The following SMAD4 variants were observed in gnomAD, a reference collection of about 807,000 sequenced individuals.
SMAD4 encodes SMAD family member 4.
In SMAD4, 7 loss-of-function variants were observed where a neutral mutation model predicts 63.2. The observed-to-expected ratio is 0.11, with a 90% confidence interval of 0.06 to 0.21. The LOEUF (loss-of-function observed/expected upper bound fraction) is 0.21. Among genes scored for constraint, SMAD4 ranks in the 10% least tolerant of loss-of-function variants. SMAD4 has a pLI of 1.00. For synonymous variants in SMAD4, 215 were observed against 235.4 expected (o/e 0.91, Z 0.79); for missense variants, 312 against 693.8 (o/e 0.45, Z 6.18).
intron 1 of SMAD4, among the ~76,000 whole-genome samples, chr18:51,037,368 G>A (rs564128382): frequency 6.6e-6 from 1 of 152,284 alleles, no homozygotes; most frequent in South Asian, 2.1e-4. Context: ...AAACTGAGAC[G>A]TTATTTGCCC....
intron 1 of SMAD4, among the ~76,000 whole-genome samples, chr18:51,032,469 G>A (rs1283149273): frequency 2.0e-5 from 3 of 152,170 alleles, no homozygotes; most frequent in Non-Finnish European, 4.4e-5. Flanking sequence ...TAGCTTTGCT[G>A]TTTGAAGCAA....
chr18:51,042,156 C>T (rs1909403193), intron 1 of SMAD4, among the ~76,000 whole-genome samples: 1 of 152,130 alleles, frequency 6.6e-6, no homozygotes, highest in Admixed American at 6.5e-5. Flanking sequence ...TCTTGCATCC[C>T]ACAAGACTTT....
At position 51,059,341 on chromosome 18, in the gene SMAD4, CAA is replaced by C. The variant is rs199755235; in HGVS notation, c.905-524_905-523del. On this transcript the variant is annotated intron_variant, in intron 7 of 11. Transcript: ENST00000342988. ...CAAGTTATTTCACCTCATTAAGCCT[CAA>C]GAGTAATAATAGTAGTATCTACCTC... 5.2e-3 allele frequency among the ~76,000 whole-genome samples: 785 copies of C among 152,242 alleles called. 7 individuals are homozygous for C. Among genetic ancestry groups the C allele is most frequent in the African/African-American group, 0.017 (719 of 41,542 alleles).
chr18:51,044,106 T>C (rs1007208480), intron 1 of SMAD4, among the ~76,000 whole-genome samples: 2 of 152,344 alleles, frequency 1.3e-5, no homozygotes, highest in East Asian at 3.9e-4. Flanking sequence ...TAATCGTAAT[T>C]GTTAAATTGT....
chr18:51,055,139 G>T (rs980961159), intron 5 of SMAD4, 146 bp downstream of exon 5: 1 of 698,732 alleles, frequency 1.4e-6, no homozygotes, highest in Non-Finnish European at 2.6e-6. Context: ...TATTAAACAG[G>T]TATGCACAAT....
intron 10 of SMAD4, among the ~76,000 whole-genome samples, chr18:51,073,869 G>C (rs1469093515): frequency 1.3e-5 from 2 of 151,962 alleles, no homozygotes; most frequent in Non-Finnish European, 2.9e-5. Context: ...CAACATCAAA[G>C]GCATGATCCA....
intron 4 of SMAD4, 97 bp downstream of exon 4, chr18:51,049,421 A>G: frequency 1.2e-6 from 1 of 865,806 alleles, no homozygotes; most frequent in Non-Finnish European, 2.0e-6. Context: ...GGCAGGCAGT[A>G]ACATTAACAA....
chr18:51,039,657 C>G (rs1016121075), intron 1 of SMAD4, among the ~76,000 whole-genome samples: 5 of 152,080 alleles, frequency 3.3e-5, no homozygotes, highest in African/African-American at 1.2e-4. Flanking sequence ...CTTGGAAAAT[C>G]AGACTGCTGT....
At chr18:51,072,608 G>A (rs541786394) in intron 10 of SMAD4, among the ~76,000 whole-genome samples, 2 of 152,244 alleles carry the variant, frequency 1.3e-5, no homozygotes, top group South Asian at 4.1e-4. Context: ...TTTAAGCCTT[G>A]TCAAAGGAAA....
At chr18:51,069,197 A>T (rs1910250303) in intron 10 of SMAD4, among the ~76,000 whole-genome samples, 1 of 152,078 alleles carries the variant, frequency 6.6e-6, no homozygotes, top group South Asian at 2.1e-4. Context: ...GCTCACTGCA[A>T]CCTCTGCTTC....
chr18:51,066,943 A>G lies in SMAD4; in HGVS notation c.1140-76A>G. The G allele has an allele frequency of 2.7e-6, 3 of 1,092,684 alleles. No individual in the cohort carries two copies. In the East Asian group the frequency reaches 7.6e-5, roughly 28 times the overall value. The allele number at this position is 1,092,684 out of a possible 1,614,324, so 67.7% of individuals were successfully genotyped here. A position where few individuals can be genotyped will look rare whatever the true frequency, so the allele number is the denominator to read the frequency against. On this transcript the variant is annotated intron_variant, in intron 9 of 11. Transcript: ENST00000342988. ...TATTTTTAATTTTTCAATATTAAGCATGCTATACAATCTGAACTAAAATTT... is the reference window on the plus strand; with the variant it reads ...TATTTTTAATTTTTCAATATTAAGCGTGCTATACAATCTGAACTAAAATTT...
intron 10 of SMAD4, among the ~76,000 whole-genome samples, chr18:51,069,884 G>C (rs1173788673): frequency 6.6e-6 from 1 of 152,104 alleles, no homozygotes; most frequent in African/African-American, 2.4e-5. Flanking sequence ...CTTTGTTTAT[G>C]GTCTTGGTAT....
rs1054293517 is a variant in SMAD4 at position 51,079,656 on chromosome 18, T to A, written c.*1189T>A. On this transcript the variant is annotated 3_prime_UTR_variant, in exon 12 of 12. Coordinates refer to ENST00000342988, the MANE Select transcript of SMAD4 (RefSeq NM_005359.6). Reference sequence around the variant, plus strand: ...CTTTGCCATCAATGATCATATCAATTGGCAGTGACTTTGTATAGAGAATTT... The same window carrying A: ...CTTTGCCATCAATGATCATATCAATAGGCAGTGACTTTGTATAGAGAATTT... 3 of 233,386 alleles carry A rather than the reference T, an allele frequency of 1.3e-5. No individual in the cohort carries two copies. The highest frequency in any genetic ancestry group is 2.5e-5 in the Non-Finnish European group (3 of 117,960). 14.5% of individuals were successfully genotyped at this position (233,386 alleles called of 1,614,324 possible).
In SMAD4 at chr18:51,030,639, C is replaced by T. The variant is rs1210231775; in HGVS notation, c.-128+16C>T. On this transcript the variant is annotated intron_variant, in intron 1 of 11. Coordinates refer to ENST00000342988, the MANE Select transcript of SMAD4 (RefSeq NM_005359.6). Reference sequence around the variant, plus strand: ...CCGAGCCCAGGTAACCGCGCCATGTCCCCTCCCCTTCCCCCGGCCGGGCCC... The same window carrying T: ...CCGAGCCCAGGTAACCGCGCCATGTTCCCTCCCCTTCCCCCGGCCGGGCCC... 1 of 149,626 alleles carries T rather than the reference C, an allele frequency of 6.7e-6. No individual in the cohort carries two copies. Among genetic ancestry groups the T allele is most frequent in the African/African-American group, 2.4e-5 (1 of 41,138 alleles). 9.3% of individuals were successfully genotyped at this position (149,626 alleles called of 1,614,324 possible).
At chr18:51,061,727 A>G (rs1245383575) in intron 8 of SMAD4, among the ~76,000 whole-genome samples, 2 of 152,154 alleles carry the variant, frequency 1.3e-5, no homozygotes, top group African/African-American at 2.4e-5. Flanking sequence ...AGCAAATCCT[A>G]TATTAGTTTT....
intron 9 of SMAD4, among the ~76,000 whole-genome samples, chr18:51,066,540 G>T (rs898497526): frequency 6.6e-6 from 1 of 152,120 alleles, no homozygotes; most frequent in African/African-American, 2.4e-5. Flanking sequence ...CTGCCTAATA[G>T]AATTTTCTGT....
intron 5 of SMAD4, 43 bp from the exon 6 acceptor site, chr18:51,058,082 A>T (rs2144426309): frequency 6.2e-7 from 1 of 1,611,326 alleles, no homozygotes; most frequent in Non-Finnish European, 8.5e-7. Context: ...TCATAAGATG[A>T]CATCTATGAA....
At chr18:51,046,657 A>C (rs987490612) in intron 1 of SMAD4, among the ~76,000 whole-genome samples, 1 of 152,106 alleles carries the variant, frequency 6.6e-6, no homozygotes, top group Non-Finnish European at 1.5e-5. Context: ...GCATGCCACT[A>C]TCATAATGAG....
At chr18:51,035,512 A>AAAATAAAT (rs549968734) in intron 1 of SMAD4, among the ~76,000 whole-genome samples, 3 of 152,058 alleles carry the variant, frequency 2.0e-5, no homozygotes, top group East Asian at 1.9e-4. Context: ...CCTCATCTCT[A>AAAATAAAT]AAATAAATAA....
Sources: gnomAD v4.1 joint callset for allele counts (sites outside exome capture counted in the v4.1 genomes callset) on GRCh38, gnomAD v4.1.1 for gene constraint, MANE v1.5 for transcripts, NCBI Gene and HGNC (gene_info 2026-07-23, HGNC 2026-07-21) for gene names.